RABGAP1L: variants seen among roughly 807,000 people sequenced by gnomAD.
The protein encoded by RABGAP1L is rab GTPase-activating protein 1-like.
Under a neutral mutation model 137.7 loss-of-function variants are expected in RABGAP1L, and 63 were observed. The observed-to-expected ratio is 0.46, with a 90% CI of 0.37 to 0.56. RABGAP1L has a LOEUF of 0.56. RABGAP1L is among the 20% of genes least tolerant of loss of function. The probability of loss-of-function intolerance (pLI) is 0.00; values close to 1 mark genes in which losing one functional copy is unlikely to be tolerated. For missense variants in RABGAP1L, 1,095 were observed against 1,244.0 expected, an observed-to-expected ratio of 0.88 and a Z score of 1.80; for synonymous variants, 431 against 433.7, an observed-to-expected ratio of 0.99 and a Z score of 0.08.
chr1:174,749,805 C>T (rs1684194889), intron 17 of RABGAP1L, among the ~76,000 whole-genome samples: 1 of 152,154 alleles, frequency 6.6e-6, no homozygotes, highest in Admixed American at 6.6e-5. Context: ...AGGGAATCCT[C>T]TATAGAAAGT....
intron 17 of RABGAP1L, among the ~76,000 whole-genome samples, chr1:174,740,854 G>A (rs1558035601): frequency 6.6e-6 from 1 of 151,966 alleles, no homozygotes. Flanking sequence ...CCTGTTGGCT[G>A]TTTGTATTTA....
chr1:174,397,465 C>A (rs1648009828), intron 13 of RABGAP1L, among the ~76,000 whole-genome samples: 1 of 152,128 alleles, frequency 6.6e-6, no homozygotes, highest in African/African-American at 2.4e-5. Context: ...CCTTCTGATT[C>A]TCTGGACTGT....
chr1:174,541,157 C>T (rs775370792), intron 13 of RABGAP1L, among the ~76,000 whole-genome samples: 6 of 152,160 alleles, frequency 3.9e-5, no homozygotes, highest in Non-Finnish European at 7.3e-5. Context: ...TAGGACTTTG[C>T]TGAAGTTGCT....
chr1:174,203,453 T>C (rs1668278432), intron 1 of RABGAP1L, among the ~76,000 whole-genome samples: 1 of 152,180 alleles, frequency 6.6e-6, no homozygotes, highest in African/African-American at 2.4e-5. Flanking sequence ...TCTATTTTGT[T>C]CCATTGGTCT....
chr1:174,953,812 CT>C (rs1668094204), intron 19 of RABGAP1L, among the ~76,000 whole-genome samples: 1 of 152,188 alleles, frequency 6.6e-6, no homozygotes, highest in South Asian at 2.1e-4. Flanking sequence ...CGCAAACCTT[CT>C]GAAAGGTCAG....
intron 13 of RABGAP1L, among the ~76,000 whole-genome samples, chr1:174,464,328 C>G (rs1195709604): frequency 7.9e-6 from 1 of 127,114 alleles, no homozygotes; most frequent in Admixed American, 7.3e-5. Flanking sequence ...TCTTTAACTA[C>G]TTTCACAGAA....
chr1:174,497,074 C>T (rs1660805955), intron 13 of RABGAP1L, among the ~76,000 whole-genome samples: 1 of 152,214 alleles, frequency 6.6e-6, no homozygotes, highest in Non-Finnish European at 1.5e-5. Context: ...TCTTCTACCA[C>T]ATGTAAGGCA....
At chr1:174,321,254 C>T (rs1297560881) in intron 11 of RABGAP1L, among the ~76,000 whole-genome samples, 3 of 152,254 alleles carry the variant, frequency 2.0e-5, no homozygotes, top group Middle Eastern at 3.4e-3. Flanking sequence ...CAATGTGTGC[C>T]CAGTGGGGCA....
chr1:174,682,070 C>T (rs956342231), intron 14 of RABGAP1L, among the ~76,000 whole-genome samples: 2 of 152,076 alleles, frequency 1.3e-5, no homozygotes, highest in Non-Finnish European at 2.9e-5. Context: ...CACCTGAGGT[C>T]AGCAGTTCAA....
chr1:174,475,953 C>T (rs1362056287), intron 13 of RABGAP1L, among the ~76,000 whole-genome samples: 1 of 151,360 alleles, frequency 6.6e-6, no homozygotes, highest in East Asian at 1.9e-4. Context: ...AACATTATAA[C>T]TTATTATTTA....
intron 17 of RABGAP1L, among the ~76,000 whole-genome samples, chr1:174,716,258 G>T (rs1026057015): frequency 1.3e-5 from 2 of 152,090 alleles, no homozygotes; most frequent in African/African-American, 4.8e-5. Flanking sequence ...CCATTGTTTG[G>T]CATTTAGTAG....
chr1:174,490,222 T>G (rs991269327), intron 13 of RABGAP1L, among the ~76,000 whole-genome samples: 7 of 152,144 alleles, frequency 4.6e-5, no homozygotes, highest in African/African-American at 1.7e-4. Context: ...TGTAACGGTC[T>G]TTCTTGGGAA....
chr1:174,276,146 T>C (rs899971784), intron 9 of RABGAP1L, among the ~76,000 whole-genome samples: 3 of 152,070 alleles, frequency 2.0e-5, no homozygotes, highest in Non-Finnish European at 2.9e-5. Context: ...ATTATTATTA[T>C]TGTTATTATT....
intron 11 of RABGAP1L, among the ~76,000 whole-genome samples, chr1:174,324,247 G>T (rs1406100756): frequency 1.3e-5 from 2 of 152,112 alleles, no homozygotes; most frequent in Non-Finnish European, 2.9e-5. Context: ...GAAATGAGGG[G>T]TGCAGAAGAG....
rs552626177 is a variant in RABGAP1L at position 174,727,100 on chromosome 1, T to G, written c.2169+24844T>G. On this transcript the variant is annotated intron_variant, in intron 17 of 25. Transcript: ENST00000681986. ...TTCAGCCCTTAGCACCTCTGTTTCC[T>G]TCTCCATAAGAAGAAGATAATAATA... Among the ~76,000 whole-genome samples the G allele has an allele frequency of 5.0e-4, 76 of 152,310 alleles. 1 individual carries two copies. In the South Asian group the frequency reaches 0.015, roughly 30 times the overall value.
intron 17 of RABGAP1L, among the ~76,000 whole-genome samples, chr1:174,720,655 C>G (rs1681451701): frequency 6.6e-6 from 1 of 151,996 alleles, no homozygotes; most frequent in Non-Finnish European, 1.5e-5. Flanking sequence ...GAAGTTGCAC[C>G]CCTACTTCAC....
chr1:174,223,083 T>C (rs895789592), intron 3 of RABGAP1L, among the ~76,000 whole-genome samples: 7 of 151,396 alleles, frequency 4.6e-5, no homozygotes, highest in African/African-American at 1.7e-4. Context: ...GCCTGGCTAA[T>C]ATAGTGAAAC....
intron 14 of RABGAP1L, among the ~76,000 whole-genome samples, chr1:174,642,790 T>G (rs1674650717): frequency 1.6e-5 from 2 of 126,758 alleles, no homozygotes; most frequent in East Asian, 2.7e-4. Flanking sequence ...TCCTCTCCTC[T>G]TCTCTCCTCT....
Position 174,658,708 on chromosome 1 carries a change from A to G in RABGAP1L, c.1824+21220A>G, listed in dbSNP as rs58213639. Among the ~76,000 whole-genome samples the G allele has an allele frequency of 5.7e-3, 871 of 151,522 alleles. 8 individuals carry two copies. Among genetic ancestry groups the G allele is most frequent in the African/African-American group, 0.02 (831 of 41,270 alleles). The stretch of plus-strand genomic sequence containing the variant: ...CTTGTCATTTTTTTTAGGGTCTGAC[A>G]CTCCACACCAGGCCACCCCTGTGTG... On this transcript the variant is annotated intron_variant, in intron 14 of 25. Transcript: ENST00000681986.
Sources: gnomAD v4.1 joint callset for allele counts (sites outside exome capture counted in the v4.1 genomes callset) on GRCh38, gnomAD v4.1.1 for gene constraint, MANE v1.5 for transcripts, NCBI Gene and HGNC (gene_info 2026-07-23, HGNC 2026-07-21) for gene names.